CHRNA2: variants seen among roughly 807,000 people sequenced by gnomAD.
CHRNA2 encodes the protein neuronal acetylcholine receptor subunit alpha-2.
In CHRNA2, 40 loss-of-function variants were observed where a neutral mutation model predicts 45.5. The ratio of observed to expected loss-of-function variants is 0.88; its 90% CI spans 0.68 to 1.15. The LOEUF is 1.15. Among genes scored for constraint, CHRNA2 ranks in the 50% most tolerant of loss-of-function variants. The probability of loss-of-function intolerance (pLI) is 0.00; values close to 1 mark genes in which losing one functional copy is unlikely to be tolerated. For missense variants in CHRNA2, 655 were observed against 701.7 expected (o/e 0.93, Z 0.75); for synonymous variants, 301 against 296.7 (o/e 1.01, Z -0.15).
At chr8:27,462,942 G>A (rs1422186352) in intron 6 of CHRNA2, 37 bp downstream of exon 6, 13 of 1,613,344 alleles carry the variant, frequency 8.1e-6, no homozygotes, top group Non-Finnish European at 1.1e-5. Flanking sequence ...AGTTGGTGGG[G>A]CCACCCAGGC....
intron 4 of CHRNA2, among the ~76,000 whole-genome samples, chr8:27,467,882 C>A (rs764252570): frequency 2.1e-4 from 32 of 152,108 alleles, no homozygotes; most frequent in African/African-American, 7.2e-4. Flanking sequence ...CTCTCAAGTG[C>A]CCCACAGGAG....
At position 27,467,518 on chromosome 8, in the gene CHRNA2, A is replaced by C. The variant is rs897313454; in HGVS notation, c.340-180T>G. On this transcript the variant is annotated intron_variant, in intron 4 of 6. Transcript: ENST00000407991. ...TGCTGGGAACGGGCTCTGAGCAAGTAACCAACCTTCTCGCTTTGCCTGGAC... is the reference window on the plus strand; with the variant it reads ...TGCTGGGAACGGGCTCTGAGCAAGTCACCAACCTTCTCGCTTTGCCTGGAC... The C allele has an allele frequency of 8.4e-6, 5 of 592,178 alleles. No individual in the cohort carries two copies. In the Admixed American group the frequency reaches 1.1e-4, roughly 14 times the overall value. The allele number at this position is 592,178 out of a possible 1,614,324, so 36.7% of individuals were successfully genotyped here.
rs1225724750 is a variant in CHRNA2 at position 27,463,208 on chromosome 8, T to G, written c.1235A>C (p.Glu412Ala). The G allele has an allele frequency of 6.3e-7, 1 of 1,588,604 alleles. No individual in the cohort carries two copies. The highest frequency in any genetic ancestry group is 1.7e-5 in the Admixed American group (1 of 59,056). ...HWLESNVDAE[E>A]REVVVEEEDR... is the part of the protein sequence containing the mutation. ...CTCCTCCTCCACCACCACCTCCCTC[T>G]CCTCGGCATCCACGTTGCTCTCCAG... Residue 412 changes from glutamate to alanine, a missense_variant, in exon 6 of 7, where the codon GAG becomes GCG. Physicochemically the swap from Glu to Ala is moderately radical, Grantham distance 107. This residue lies in a region of CHRNA2 where 295 missense variants were observed against 280.4 expected (regional missense o/e 1.05). Coordinates refer to ENST00000407991, the MANE Select transcript of CHRNA2 (RefSeq NM_000742.4). The surrounding 1 kb of genome is among the most constrained non-coding windows in gnomAD (Gnocchi z 6.1).
At chr8:27,464,532 GA>G (rs1812638205) in intron 5 of CHRNA2, among the ~76,000 whole-genome samples, 1 of 152,122 alleles carries the variant, frequency 6.6e-6, no homozygotes, top group South Asian at 2.1e-4. Flanking sequence ...CAGTTTTGGG[GA>G]AGGGGTGGGT....
At chr8:27,469,259 G>A (rs1209041600) in intron 4 of CHRNA2, 76 bp downstream of exon 4, 42 of 1,394,836 alleles carry the variant, frequency 3.0e-5, no homozygotes, top group Admixed American at 7.9e-5. Flanking sequence ...TTTCACTAGC[G>A]AAGAAGTCCT....
intron 1 of CHRNA2, chr8:27,477,261 A>C (rs1164200135): frequency 6.6e-6 from 1 of 152,144 alleles, no homozygotes; most frequent in African/African-American, 2.4e-5. Context: ...GGGGACAGGC[A>C]CCTCACCCCA....
Position 27,469,378 on chromosome 8 carries a change from T to C in CHRNA2, c.296A>G (p.Asp99Gly), listed in dbSNP as rs1421146968. Reference sequence around the variant, plus strand: ...GGTGGTCATCATTTGGTTCTTCTCATCCTGGCCCAGAGAGAGACAGAGGAG... The same window carrying C: ...GGTGGTCATCATTTGGTTCTTCTCACCCTGGCCCAGAGAGAGACAGAGGAG... ...GLSIAQLIDV[D>G]EKNQMMTTNV... Residue 99 changes from aspartate to glycine, a missense_variant and splice_region_variant, in exon 4 of 7, where the codon GAT becomes GGT. By Grantham distance (94) the Asp-to-Gly change is moderately conservative. Transcript: ENST00000407991. The C allele has an allele frequency of 1.9e-6, 3 of 1,556,484 alleles. No individual in the cohort carries two copies. The East Asian group carries it at 7.2e-5, about 38-fold the overall frequency.
At chr8:27,470,793 G>C (rs1005754495) in intron 2 of CHRNA2, among the ~76,000 whole-genome samples, 193 bp downstream of exon 2, 1 of 152,228 alleles carries the variant, frequency 6.6e-6, no homozygotes, top group Non-Finnish European at 1.5e-5. Context: ...CATTTAAGGT[G>C]ACACAGATGC....
chr8:27,471,542 G>T (rs1311713272), intron 1 of CHRNA2, among the ~76,000 whole-genome samples: 2 of 152,208 alleles, frequency 1.3e-5, no homozygotes, highest in Non-Finnish European at 2.9e-5. Context: ...CTATTCACAA[G>T]ATCCAAAGAG....
In CHRNA2 at chr8:27,463,268, G is replaced by C. The variant is rs542738759; in HGVS notation, c.1175C>G (p.Pro392Arg). 1.9e-6 allele frequency: 3 copies of C among 1,606,290 alleles called. No homozygotes were observed. The highest frequency in any genetic ancestry group is 2.2e-5 in the East Asian group (1 of 44,748). Residue 392 changes from proline (P) to arginine (R), a missense_variant, in exon 6 of 7, where the codon CCC (proline) becomes CGC (arginine). By Grantham distance (103) the Pro-to-Arg change is moderately radical (BLOSUM62 -2). This residue lies in a region of CHRNA2 where 295 missense variants were observed against 280.4 expected (regional missense o/e 1.05). Coordinates refer to ENST00000407991, the MANE Select transcript of CHRNA2 (RefSeq NM_000742.4). This position sits in a 1 kb window ranked among gnomAD's most constrained non-coding sequence, Gnocchi z 6.1. ...AGAGGGGCTGAGCTTCAGGCGTAGG[G>C]GGTGGCAGAGCTCCACGGGTGGTGG... The part of the protein sequence containing the change: ...RPPPPVELCH[P>R]LRLKLSPSYH...
chr8:27,462,913 G>A (rs2132649673), intron 6 of CHRNA2, 66 bp downstream of exon 6: 1 of 1,603,572 alleles, frequency 6.2e-7, no homozygotes, highest in East Asian at 2.2e-5. Flanking sequence ...ACACTCTGCG[G>A]TAAGGTGGTT....
In CHRNA2 at chr8:27,470,982, T is replaced by C. The variant is rs1307812125; in HGVS notation, c.73+4A>G. The C allele has an allele frequency of 6.2e-7, 1 of 1,613,846 alleles. No individual in the cohort carries two copies. Among genetic ancestry groups the C allele is most frequent in the Non-Finnish European group, 8.5e-7 (1 of 1,179,808 alleles). Reference sequence around the variant, plus strand: ...TCTTACAATGACAGGTGACAAACACTCACCTGCTGGGGTCAGAAGGAGCCA... The same window carrying C: ...TCTTACAATGACAGGTGACAAACACCCACCTGCTGGGGTCAGAAGGAGCCA... On this transcript the variant is annotated splice_donor_region_variant and intron_variant, in intron 2 of 6. Coordinates refer to ENST00000407991, the MANE Select transcript of CHRNA2 (RefSeq NM_000742.4).
At position 27,467,287 on chromosome 8, in the gene CHRNA2, T is replaced by C. The variant is rs1812726843; in HGVS notation, c.391A>G (p.Thr131Ala). ...RWNPTDFGNI[T>A]SLRVPSEMIW... ...ATCTCAGAAGGGACCCTGAGAGATGTGATGTTGCCAAAATCAGTGGGGTTC... is the reference window on the plus strand; with the variant it reads ...ATCTCAGAAGGGACCCTGAGAGATGCGATGTTGCCAAAATCAGTGGGGTTC... The change falls in exon 5 of 7, where the codon ACA becomes GCA. Residue 131 changes from threonine to alanine, a missense_variant. By Grantham distance (58) the Thr-to-Ala change is moderately conservative. Around this residue, in one of 3 missense-constraint regions of CHRNA2, gnomAD observed 323 missense variants for 354.4 expected, o/e 0.91. Transcript: ENST00000407991. 1 of 1,613,988 alleles carries C rather than the reference T, an allele frequency of 6.2e-7. No homozygotes were observed. Among genetic ancestry groups the C allele is most frequent in the African/African-American group, 1.3e-5 (1 of 74,920 alleles).
intron 6 of CHRNA2, among the ~76,000 whole-genome samples, chr8:27,462,613 GGTC>G (rs1812530095): frequency 6.6e-6 from 1 of 152,184 alleles, no homozygotes; most frequent in African/African-American, 2.4e-5. Flanking sequence ...TGACTTTCTG[GGTC>G]TCTCCTGAAA....
At position 27,463,817 on chromosome 8, in the gene CHRNA2, G is replaced by C; in HGVS notation, c.626C>G (p.Ala209Gly). ...MKFGSWTYDK[A>G]KIDLEQMEQT... Reference sequence around the variant, plus strand: ...CTCCATCTGCTCCAGGTCGATCTTGGCCTTGTCATAAGTCCAGGAGCCAAA... The same window carrying C: ...CTCCATCTGCTCCAGGTCGATCTTGCCCTTGTCATAAGTCCAGGAGCCAAA... Residue 209 changes from alanine (A) to glycine (G), a missense_variant, in exon 6 of 7, where the codon GCC (alanine) becomes GGC (glycine). Ala to Gly is a moderately conservative substitution (Grantham distance 60). Transcript: ENST00000407991. This position sits in a 1 kb window ranked among gnomAD's most constrained non-coding sequence, Gnocchi z 6.1. The C allele has an allele frequency of 6.2e-7, 1 of 1,614,164 alleles. No individual in the cohort carries two copies. The highest frequency in any genetic ancestry group is 8.5e-7 in the Non-Finnish European group (1 of 1,180,034).
At chr8:27,475,271 A>C (rs1016754976) in intron 1 of CHRNA2, 1 of 152,228 alleles carries the variant, frequency 6.6e-6, no homozygotes, top group Admixed American at 6.5e-5. Flanking sequence ...TTCATCAATC[A>C]GCTGTGTAAA....
chr8:27,470,096 T>C (rs949652703), intron 2 of CHRNA2, 115 bp from the exon 3 acceptor site: 7 of 998,914 alleles, frequency 7.0e-6, no homozygotes, highest in South Asian at 5.5e-5. Context: ...CAGATGATAA[T>C]GTCTATCAGA....
At position 27,463,070 on chromosome 8, in the gene CHRNA2, C is replaced by G. The variant is rs751242542; in HGVS notation, c.1373G>C (p.Gly458Ala). The change falls in exon 6 of 7, where the codon GGT (glycine) becomes GCT (alanine). Residue 458 changes from glycine (G) to alanine (A), a missense_variant. Gly to Ala is a moderately conservative substitution (Grantham distance 60). This residue lies in a region of CHRNA2 where 295 missense variants were observed against 280.4 expected (regional missense o/e 1.05). Coordinates refer to ENST00000407991, the MANE Select transcript of CHRNA2 (RefSeq NM_000742.4). This position sits in a 1 kb window ranked among gnomAD's most constrained non-coding sequence, Gnocchi z 6.1. ...CATGTGGGGTGATAGCAGCAGCTCA[C>G]CCTCCTGCAGCAGAGCCTCAGCCTT... ...GPKAEALLQE[G>A]ELLLSPHMQK... The G allele has an allele frequency of 6.2e-7, 1 of 1,612,902 alleles. No individual in the cohort carries two copies. Among genetic ancestry groups the G allele is most frequent in the African/African-American group, 1.3e-5 (1 of 74,922 alleles).
At chr8:27,464,098 C>G (rs1349028128) in intron 5 of CHRNA2, 105 bp from the exon 6 acceptor site, 13 of 1,317,356 alleles carry the variant, frequency 9.9e-6, no homozygotes, top group East Asian at 5.0e-5. Flanking sequence ...AAGTCAGACC[C>G]GGCCACACTG....
Sources: allele counts gnomAD v4.1 joint callset (sites outside exome capture counted in the v4.1 genomes callset), GRCh38; gene constraint gnomAD v4.1.1; regional missense constraint gnomAD v4.1.1; non-coding constraint Gnocchi (gnomAD v3.1); transcripts MANE v1.5; gene names NCBI Gene and HGNC (gene_info 2026-07-23, HGNC 2026-07-21).